Variants in RFX3 observed in about 807,000 individuals in gnomAD.
RFX3 encodes transcription factor RFX3.
Under a neutral mutation model 98.6 loss-of-function variants are expected in RFX3, and 14 were observed. The ratio of observed to expected loss-of-function variants is 0.14; its 90% CI spans 0.09 to 0.22. The LOEUF (loss-of-function observed/expected upper bound fraction) is 0.22, where lower values mean the gene tolerates loss of function less well. Ranked by LOEUF, RFX3 falls within the 10% of genes least tolerant of loss-of-function variation. RFX3 has a pLI of 1.00. For synonymous variants in RFX3, 383 were observed against 328.4 expected, an observed-to-expected ratio of 1.17 and a Z score of -1.80; for missense variants, 639 against 926.9, an observed-to-expected ratio of 0.69 and a Z score of 4.03.
intron 2 of RFX3, among the ~76,000 whole-genome samples, chr9:3,351,104 T>C (rs895648256): frequency 2.0e-5 from 3 of 151,826 alleles, no homozygotes; most frequent in African/African-American, 7.3e-5. Flanking sequence ...TGGGTGATAA[T>C]GATGTGTCAA....
At chr9:3,445,878 G>A (rs1846001366) in intron 1 of RFX3, among the ~76,000 whole-genome samples, 1 of 152,032 alleles carries the variant, frequency 6.6e-6, no homozygotes, top group African/African-American at 2.4e-5. Flanking sequence ...TTTCTGGCCT[G>A]GTGAATGAAG....
At chr9:3,288,999 T>C (rs556438895) in intron 6 of RFX3, among the ~76,000 whole-genome samples, 6 of 152,248 alleles carry the variant, frequency 3.9e-5, no homozygotes, top group Admixed American at 1.3e-4. Context: ...CCCATGTTCA[T>C]GAGAAAGACC....
chr9:3,310,706 T>C (rs917005416), intron 4 of RFX3, among the ~76,000 whole-genome samples: 9 of 152,208 alleles, frequency 5.9e-5, no homozygotes, highest in African/African-American at 2.2e-4. Flanking sequence ...GTGGGATTGA[T>C]GGATTTTCTT....
chr9:3,509,853 T>C (rs1817494756), intron 1 of RFX3, among the ~76,000 whole-genome samples: 1 of 151,936 alleles, frequency 6.6e-6, no homozygotes, highest in African/African-American at 2.4e-5. Context: ...GTGTGGAGGC[T>C]GGAGTTCGAC....
At chr9:3,263,304 A>T (rs1823164071) in intron 12 of RFX3, among the ~76,000 whole-genome samples, 1 of 152,120 alleles carries the variant, frequency 6.6e-6, no homozygotes, top group Non-Finnish European at 1.5e-5. Flanking sequence ...ACTAAAACAA[A>T]CTCCCACATT....
chr9:3,486,443 C>A (rs935206539), intron 1 of RFX3, among the ~76,000 whole-genome samples: 1 of 152,128 alleles, frequency 6.6e-6, no homozygotes, highest in African/African-American at 2.4e-5. Flanking sequence ...TAAGTTCTTT[C>A]CCCTCCTTTC....
At chr9:3,421,900 T>C in intron 1 of RFX3, among the ~76,000 whole-genome samples, 1 of 152,080 alleles carries the variant, frequency 6.6e-6, no homozygotes, top group Non-Finnish European at 1.5e-5. Flanking sequence ...AACAACAGGA[T>C]ATACAGTTCT....
chr9:3,231,249 TGAA>T (rs1325377940), intron 15 of RFX3, among the ~76,000 whole-genome samples: 3 of 152,048 alleles, frequency 2.0e-5, no homozygotes, highest in Admixed American at 2.0e-4. Flanking sequence ...AAAAATCCTG[TGAA>T]GAAGAGATAA....
At chr9:3,433,449 T>G (rs907936781) in intron 1 of RFX3, among the ~76,000 whole-genome samples, 2 of 152,204 alleles carry the variant, frequency 1.3e-5, no homozygotes, top group African/African-American at 4.8e-5. Context: ...TAATTTACTG[T>G]AAGAATACAG....
chr9:3,289,830 G>C (rs1827109229), intron 6 of RFX3, among the ~76,000 whole-genome samples: 1 of 151,898 alleles, frequency 6.6e-6, no homozygotes, highest in African/African-American at 2.4e-5. Flanking sequence ...TTTACTTTTT[G>C]TTTACTTAGG....
At chr9:3,359,476 G>A (rs1467023744) in intron 2 of RFX3, among the ~76,000 whole-genome samples, 2 of 152,064 alleles carry the variant, frequency 1.3e-5, no homozygotes, top group African/African-American at 4.8e-5. Context: ...GGTCCAGGAA[G>A]AGAACTGTGA....
chr9:3,487,539 G>A lies in RFX3; in HGVS notation c.-9+38208C>T, dbSNP rs568513494. 1.0e-3 allele frequency among the ~76,000 whole-genome samples: 152 copies of A among 152,112 alleles called. 1 individual carries two copies. In the South Asian group the frequency reaches 0.028, roughly 28 times the overall value. On this transcript the variant is annotated intron_variant, in intron 1 of 16. Coordinates refer to ENST00000617270, the MANE Select transcript of RFX3 (RefSeq NM_001282116.2). ...GTGTAATTCTTATTTCTATATCCAC[G>A]ATGCCATTAGAAAAAGCAGCATATA...
intron 11 of RFX3, among the ~76,000 whole-genome samples, chr9:3,268,047 G>A (rs753278768): frequency 1.4e-4 from 21 of 151,834 alleles, no homozygotes; most frequent in Admixed American, 2.6e-4. Context: ...AAATAATTGT[G>A]AATTTTTACT....
intron 3 of RFX3, among the ~76,000 whole-genome samples, chr9:3,331,091 C>T: frequency 6.6e-6 from 1 of 152,280 alleles, no homozygotes; most frequent in African/African-American, 2.4e-5. Flanking sequence ...CACACTTAAG[C>T]TCCTCCTTTA....
chr9:3,259,507 GA>G (rs34394241), intron 13 of RFX3, among the ~76,000 whole-genome samples: 2 of 148,884 alleles, frequency 1.3e-5, no homozygotes, highest in African/African-American at 4.9e-5. Flanking sequence ...TCTTAAATTA[GA>G]AAAAAAAAAT....
At chr9:3,305,568 A>T (rs1411650978) in intron 4 of RFX3, among the ~76,000 whole-genome samples, 2 of 151,966 alleles carry the variant, frequency 1.3e-5, no homozygotes, top group Non-Finnish European at 2.9e-5. Context: ...GAAATGGGGA[A>T]GAAGAGTAAT....
At chr9:3,296,506 A>T (rs923712229) in intron 5 of RFX3, among the ~76,000 whole-genome samples, 1 of 152,028 alleles carries the variant, frequency 6.6e-6, no homozygotes, top group Admixed American at 6.6e-5. Flanking sequence ...TAAATTCTTC[A>T]TTTCTAAACT....
chr9:3,251,587 C>A (rs1164090838), intron 14 of RFX3, among the ~76,000 whole-genome samples: 3 of 152,034 alleles, frequency 2.0e-5, no homozygotes, highest in Admixed American at 2.0e-4. Flanking sequence ...CCTGCCTCAG[C>A]CTCCCCCAAA....
chr9:3,249,741 A>G (rs1348013976), intron 14 of RFX3, among the ~76,000 whole-genome samples: 2 of 152,114 alleles, frequency 1.3e-5, no homozygotes, highest in East Asian at 3.8e-4. Context: ...AATTGTGATC[A>G]TATAATTTTT....
Sources: gnomAD v4.1 joint callset for allele counts (sites outside exome capture counted in the v4.1 genomes callset) on GRCh38, gnomAD v4.1.1 for gene constraint, MANE v1.5 for transcripts, NCBI Gene and HGNC (gene_info 2026-07-23, HGNC 2026-07-21) for gene names.